TAFA4: variants seen among roughly 807,000 people sequenced by gnomAD.
TAFA4 encodes the protein chemokine-like protein TAFA-4.
In TAFA4, 20 loss-of-function variants were observed where a neutral mutation model predicts 21.1. The ratio of observed to expected loss-of-function variants is 0.95; its 90% CI spans 0.67 to 1.38. The LOEUF (loss-of-function observed/expected upper bound fraction) is 1.38, where lower values mean the gene tolerates loss of function less well. Ranked by LOEUF, TAFA4 falls within the 40% of genes most tolerant of loss-of-function variation. The probability of loss-of-function intolerance (pLI) is 0.00; values close to 1 mark genes in which losing one functional copy is unlikely to be tolerated. For synonymous variants in TAFA4, 71 were observed against 67.4 expected (o/e 1.05, Z -0.26); for missense variants, 211 against 180.9 (o/e 1.17, Z -0.95).
At chr3:68,734,580 T>C (rs1354975358) in intron 5 of TAFA4, among the ~76,000 whole-genome samples, 1 of 152,030 alleles carries the variant, frequency 6.6e-6, no homozygotes, top group African/African-American at 2.4e-5. Context: ...TTGTGACAAA[T>C]AGAACAAAGA....
At chr3:68,873,304 GAC>G (rs1488673785) in intron 3 of TAFA4, among the ~76,000 whole-genome samples, 1 of 133,994 alleles carries the variant, frequency 7.5e-6, no homozygotes, top group Non-Finnish European at 1.6e-5. Flanking sequence ...AACAGACACA[GAC>G]ACACACACAA....
At chr3:68,774,247 T>C (rs540625690) in intron 3 of TAFA4, among the ~76,000 whole-genome samples, 1 of 152,374 alleles carries the variant, frequency 6.6e-6, no homozygotes, top group South Asian at 2.1e-4. Flanking sequence ...ATGTTTATAG[T>C]ATAATGTTAA....
intron 4 of TAFA4, among the ~76,000 whole-genome samples, 185 bp from the exon 5 acceptor site, chr3:68,739,384 TAA>T (rs1248889192): frequency 1.3e-5 from 2 of 152,202 alleles, no homozygotes; most frequent in East Asian, 3.8e-4. Context: ...TTAAAAATTT[TAA>T]AAGCAACAGA....
At chr3:68,782,219 C>A (rs1703166606) in intron 3 of TAFA4, among the ~76,000 whole-genome samples, 1 of 151,950 alleles carries the variant, frequency 6.6e-6, no homozygotes. Flanking sequence ...AAGAAGATAC[C>A]AAATGGTCGA....
At chr3:68,745,473 C>A (rs1007127343) in intron 4 of TAFA4, among the ~76,000 whole-genome samples, 2 of 152,098 alleles carry the variant, frequency 1.3e-5, no homozygotes, top group Admixed American at 6.5e-5. Context: ...ACACATAATA[C>A]CCCTGTCTTC....
At chr3:68,759,936 G>A (rs542904179) in intron 3 of TAFA4, among the ~76,000 whole-genome samples, 7 of 152,114 alleles carry the variant, frequency 4.6e-5, no homozygotes, top group African/African-American at 7.2e-5. Flanking sequence ...CAACTCTTAC[G>A]TACAGCATAC....
intron 3 of TAFA4, among the ~76,000 whole-genome samples, chr3:68,756,314 T>C (rs930098094): frequency 6.6e-6 from 1 of 152,176 alleles, no homozygotes; most frequent in Non-Finnish European, 1.5e-5. Flanking sequence ...AAGACAACTT[T>C]TTCAAGTACC....
chr3:68,929,150 G>C (rs2090136946), intron 1 of TAFA4, among the ~76,000 whole-genome samples: 1 of 152,164 alleles, frequency 6.6e-6, no homozygotes, highest in Admixed American at 6.5e-5. Flanking sequence ...CACAAATTGA[G>C]TGAGGCATTA....
At chr3:68,914,021 G>GA (rs1446887659) in intron 1 of TAFA4, among the ~76,000 whole-genome samples, 5 of 152,114 alleles carry the variant, frequency 3.3e-5, no homozygotes, top group Non-Finnish European at 7.4e-5. Context: ...CCAACAGTCT[G>GA]AAAAAAACAA....
chr3:68,924,865 C>T (rs1407952313), intron 1 of TAFA4, among the ~76,000 whole-genome samples: 2 of 152,192 alleles, frequency 1.3e-5, no homozygotes, highest in African/African-American at 4.8e-5. Flanking sequence ...CCACTCCCCA[C>T]TGCCTCTCTA....
chr3:68,771,210 G>A (rs1024590615), intron 3 of TAFA4, among the ~76,000 whole-genome samples: 2 of 152,110 alleles, frequency 1.3e-5, no homozygotes, highest in African/African-American at 4.8e-5. Context: ...GATTTTTCTG[G>A]TACACTAGGG....
At chr3:68,742,928 T>G (rs1432529117) in intron 4 of TAFA4, among the ~76,000 whole-genome samples, 4 of 152,136 alleles carry the variant, frequency 2.6e-5, no homozygotes, top group Non-Finnish European at 5.9e-5. Context: ...CAAATCCTTG[T>G]ATGGAAGGAG....
At chr3:68,812,197 C>T (rs151233062) in intron 3 of TAFA4, among the ~76,000 whole-genome samples, 1,551 of 152,296 alleles carry the variant, frequency 0.01, 15 homozygotes, top group Non-Finnish European at 0.016. Flanking sequence ...AAAGGGACAA[C>T]AGGTACCAGC....
intron 4 of TAFA4, among the ~76,000 whole-genome samples, chr3:68,742,652 A>G (rs535361585): frequency 3.2e-4 from 48 of 152,332 alleles, no homozygotes; most frequent in African/African-American, 8.7e-4. Flanking sequence ...CCCCTCACCT[A>G]TCTCAAATTA....
intron 3 of TAFA4, among the ~76,000 whole-genome samples, chr3:68,841,277 C>T (rs543816478): frequency 1.4e-5 from 1 of 72,662 alleles, no homozygotes; most frequent in East Asian, 2.6e-4. Context: ...GAGCCGAGAT[C>T]CCGCCACTGC....
chr3:68,846,522 C>T (rs1359572379), intron 3 of TAFA4, among the ~76,000 whole-genome samples: 1 of 152,064 alleles, frequency 6.6e-6, no homozygotes, highest in Non-Finnish European at 1.5e-5. Context: ...CTTCTGTCAA[C>T]TCGTCAAACT....
At chr3:68,922,064 G>A (rs980905002) in intron 1 of TAFA4, among the ~76,000 whole-genome samples, 2 of 152,116 alleles carry the variant, frequency 1.3e-5, no homozygotes, top group Non-Finnish European at 2.9e-5. Flanking sequence ...ATACTATTTA[G>A]ACAAGCTTAC....
chr3:68,873,753 A>C (rs566089793), intron 3 of TAFA4, among the ~76,000 whole-genome samples: 15 of 152,198 alleles, frequency 9.9e-5, no homozygotes, highest in Non-Finnish European at 1.6e-4. Context: ...TGCTTTCTAA[A>C]CAACAAATAA....
intron 3 of TAFA4, among the ~76,000 whole-genome samples, chr3:68,876,926 T>TTTTTTATTA (rs2089556024): frequency 6.6e-6 from 1 of 152,158 alleles, no homozygotes; most frequent in Non-Finnish European, 1.5e-5. Flanking sequence ...GTGAGACTTA[T>TTTTTTATTA]TTTTTATTAT....
Sources: gnomAD v4.1 joint callset for allele counts (sites outside exome capture counted in the v4.1 genomes callset) on GRCh38, gnomAD v4.1.1 for gene constraint, MANE v1.5 for transcripts, NCBI Gene and HGNC (gene_info 2026-07-23, HGNC 2026-07-21) for gene names.